Variants in SHCBP1 observed in about 807,000 individuals in gnomAD.
SHCBP1 encodes the protein SHC binding and spindle associated 1, also known as SHC SH2 domain-binding protein 1.
In SHCBP1, 60 loss-of-function variants were observed where a neutral mutation model predicts 75.1. The ratio of observed to expected loss-of-function variants is 0.80; its 90% CI spans 0.65 to 0.99. SHCBP1 has a LOEUF of 0.99. Ranked by LOEUF, SHCBP1 falls within the 50% of genes least tolerant of loss-of-function variation. The pLI, the probability that SHCBP1 is intolerant of heterozygous loss-of-function variation, is 0.00. For synonymous variants in SHCBP1, 290 were observed against 293.2 expected (o/e 0.99, Z 0.11); for missense variants, 709 against 809.4 (o/e 0.88, Z 1.50).
chr16:46,619,001 T>C (rs1279275318), intron 1 of SHCBP1, among the ~76,000 whole-genome samples: 2 of 152,226 alleles, frequency 1.3e-5, no homozygotes, highest in East Asian at 3.8e-4. Flanking sequence ...CTCCCTTTAT[T>C]TCCTACAATA....
At chr16:46,582,381 C>T (rs1016633132) in intron 12 of SHCBP1, among the ~76,000 whole-genome samples, 7 of 152,210 alleles carry the variant, frequency 4.6e-5, no homozygotes, top group Non-Finnish European at 7.3e-5. Flanking sequence ...TGATCCCCAC[C>T]CCCTGGTATT....
chr16:46,618,330 C>T lies in SHCBP1; in HGVS notation c.146G>A (p.Arg49His), dbSNP rs1381765742. 6.8e-6 allele frequency: 11 copies of T among 1,612,038 alleles called. No individual in the cohort carries two copies. The highest frequency in any genetic ancestry group is 4.5e-5 in the East Asian group (2 of 44,834). ...DEDSCSDCSY[R>H]DKPGSSLQSF... The stretch of plus-strand genomic sequence containing the variant: ...TTGTAAACTAGAACCTGGTTTATCA[C>T]GGTAGCTACAATCACTGCATGAATC... Residue 49 changes from arginine to histidine, a missense_variant, in exon 2 of 13, where the codon CGT (arginine) becomes CAT (histidine). By Grantham distance (29) the Arg-to-His change is conservative. Coordinates refer to ENST00000303383, the MANE Select transcript of SHCBP1 (RefSeq NM_024745.5).
intron 5 of SHCBP1, 32 bp from the exon 6 acceptor site, chr16:46,604,493 G>A: frequency 6.8e-7 from 1 of 1,472,860 alleles, no homozygotes; most frequent in East Asian, 2.3e-5. Context: ...GAAATCCACT[G>A]CCTTTCAGGC....
At chr16:46,598,532 T>C (rs1295915659) in intron 9 of SHCBP1, among the ~76,000 whole-genome samples, 1 of 152,164 alleles carries the variant, frequency 6.6e-6, no homozygotes, top group Admixed American at 6.5e-5. Flanking sequence ...TATAAACAGA[T>C]GTGCTACCAT....
At position 46,604,040 on chromosome 16, in the gene SHCBP1, G is replaced by T. The variant is rs1400022590; in HGVS notation, c.1027C>A (p.Leu343Ile). 6.2e-7 allele frequency: 1 copy of T among 1,614,204 alleles called. No individual in the cohort carries two copies. Among genetic ancestry groups the T allele is most frequent in the South Asian group, 1.1e-5 (1 of 91,084 alleles). The change falls in exon 7 of 13, where the codon CTC (leucine) becomes ATC (isoleucine). Residue 343 changes from leucine to isoleucine, a missense_variant. Transcript: ENST00000303383. ...CTGTCCGTAAGCAGGGACCGCAGGA[G>T]ACCAGCCATCATGGTGGAGGAGACC... is the stretch of plus-strand genomic sequence containing the variant. ...HVVSSTMMAG[L>I]LRSLLTDRLC...
At chr16:46,583,420 T>A in intron 12 of SHCBP1, 96 bp downstream of exon 12, 2 of 1,328,748 alleles carry the variant, frequency 1.5e-6, no homozygotes, top group Non-Finnish European at 2.0e-6. Context: ...CCCAACAACC[T>A]TTTTTAAGGA....
chr16:46,604,607 T>C, intron 5 of SHCBP1, 146 bp from the exon 6 acceptor site: 2 of 494,780 alleles, frequency 4.0e-6, no homozygotes, highest in Middle Eastern at 5.5e-4. Context: ...AATAGCACTG[T>C]AATAATAATA....
Position 46,595,591 on chromosome 16 carries a change from T to C in SHCBP1, c.1425A>G (p.Ala475=), listed in dbSNP as rs567938048. The change falls in exon 10 of 13, where the codon GCA becomes GCG. Residue 475 remains alanine (A), a synonymous_variant. Transcript: ENST00000303383. The stretch of plus-strand genomic sequence containing the variant: ...AATCCGAGTTCTTCATTAGAAACTC[T>C]GCTGATGTCCGCACTGTGACTCCGG... ...ETTGVTVRTS[A]EFLMKNSDLY... 1 of 1,614,178 alleles carries C rather than the reference T, an allele frequency of 6.2e-7. No homozygotes were observed. The highest frequency in any genetic ancestry group is 1.3e-5 in the African/African-American group (1 of 75,050).
intron 9 of SHCBP1, among the ~76,000 whole-genome samples, chr16:46,597,759 G>T (rs1237526194): frequency 6.6e-6 from 1 of 152,178 alleles, no homozygotes; most frequent in African/African-American, 2.4e-5. Context: ...TTTCTCTGTA[G>T]CATGTGATCT....
chr16:46,618,015 T>C (rs1391064503), intron 2 of SHCBP1, among the ~76,000 whole-genome samples, 190 bp downstream of exon 2: 1 of 151,986 alleles, frequency 6.6e-6, no homozygotes, highest in Admixed American at 6.6e-5. Context: ...CCGTCTCTAG[T>C]AAAAACACAA....
chr16:46,621,165 G>T, intron 1 of SHCBP1, 92 bp downstream of exon 1: 1 of 1,190,394 alleles, frequency 8.4e-7, no homozygotes, highest in Non-Finnish European at 1.2e-6. Context: ...AGACGGGTCC[G>T]GAAGGCCCGC....
At position 46,618,386 on chromosome 16, in the gene SHCBP1, G is replaced by C; in HGVS notation, c.104-14C>G. ...CTTGGAACAAACCTAAAAAAAAAAA[G>C]CAAAAATAAGCAAGCTCCAGTGCCT... On this transcript the variant is annotated splice_polypyrimidine_tract_variant and intron_variant, in intron 1 of 12. Coordinates refer to ENST00000303383, the MANE Select transcript of SHCBP1 (RefSeq NM_024745.5). The C allele has an allele frequency of 6.5e-7, 1 of 1,540,106 alleles. No homozygotes were observed. Among genetic ancestry groups the C allele is most frequent in the Non-Finnish European group, 8.7e-7 (1 of 1,146,912 alleles).
At chr16:46,617,812 C>T (rs1356632545) in intron 2 of SHCBP1, 63 bp from the exon 3 acceptor site, 73 of 1,256,950 alleles carry the variant, frequency 5.8e-5, no homozygotes, top group Non-Finnish European at 8.0e-5. Flanking sequence ...GTTAATAAAT[C>T]CACTTTCTCA....
intron 4 of SHCBP1, among the ~76,000 whole-genome samples, chr16:46,614,141 T>C (rs1567453901): frequency 6.6e-6 from 1 of 152,148 alleles, no homozygotes; most frequent in Admixed American, 6.5e-5. Context: ...ACCGGTTCTT[T>C]AGATTCATTC....
chr16:46,605,245 T>C (rs1018205871), intron 5 of SHCBP1, among the ~76,000 whole-genome samples: 2 of 152,174 alleles, frequency 1.3e-5, no homozygotes, highest in African/African-American at 4.8e-5. Context: ...ATAAAATAAT[T>C]TGTAAATGCA....
At chr16:46,619,795 GA>G (rs1308795454) in intron 1 of SHCBP1, among the ~76,000 whole-genome samples, 2 of 152,134 alleles carry the variant, frequency 1.3e-5, no homozygotes, top group African/African-American at 4.8e-5. Context: ...AGCACTTTGG[GA>G]GGCCGAGATG....
In SHCBP1 at chr16:46,584,098, C is replaced by A; in HGVS notation, c.1465-9G>T. 1 of 1,577,406 alleles carries A rather than the reference C, an allele frequency of 6.3e-7. No homozygotes were observed. Among genetic ancestry groups the A allele is most frequent in the South Asian group, 1.2e-5 (1 of 86,634 alleles). ...ATTTCTATACCAGCACCCTGTGAGTCACAGTTTGAGATAATGACAATCAGT... is the reference window on the plus strand; with the variant it reads ...ATTTCTATACCAGCACCCTGTGAGTAACAGTTTGAGATAATGACAATCAGT... On this transcript the variant is annotated splice_polypyrimidine_tract_variant and intron_variant, in intron 10 of 12. Transcript: ENST00000303383.
chr16:46,587,153 T>C (rs1964966294), intron 10 of SHCBP1, among the ~76,000 whole-genome samples: 1 of 152,086 alleles, frequency 6.6e-6, no homozygotes, highest in Admixed American at 6.6e-5. Context: ...AAGGCAAATG[T>C]TTAAGACAAT....
At chr16:46,613,602 C>A (rs928010823) in intron 4 of SHCBP1, among the ~76,000 whole-genome samples, 1 of 152,170 alleles carries the variant, frequency 6.6e-6, no homozygotes, top group South Asian at 2.1e-4. Flanking sequence ...CACAGCTAAC[C>A]CAAGTTCAAA....
Sources: gnomAD v4.1 joint callset for allele counts (sites outside exome capture counted in the v4.1 genomes callset) on GRCh38, gnomAD v4.1.1 for gene constraint, MANE v1.5 for transcripts, NCBI Gene and HGNC (gene_info 2026-07-23, HGNC 2026-07-21) for gene names.